Variants in EXT2 observed in about 807,000 individuals in gnomAD.
EXT2 encodes exostosin glycosyltransferase 2.
Under a neutral mutation model 81.6 loss-of-function variants are expected in EXT2, and 53 were observed. That is an observed-to-expected ratio of 0.65 (90% CI 0.52 to 0.82). The LOEUF is 0.82. Among genes scored for constraint, EXT2 ranks in the 40% least tolerant of loss-of-function variants. The pLI is 0.00. For synonymous variants in EXT2, 320 were observed against 340.0 expected (o/e 0.94, Z 0.65); for missense variants, 774 against 910.2 (o/e 0.85, Z 1.93).
chr11:44,196,819 G>T (rs996769523), intron 8 of EXT2, among the ~76,000 whole-genome samples: 2 of 152,104 alleles, frequency 1.3e-5, no homozygotes, highest in East Asian at 1.9e-4. Context: ...TTACTTCTAA[G>T]TTCCTTTTTT....
intron 8 of EXT2, among the ~76,000 whole-genome samples, chr11:44,192,181 C>T (rs924304882): frequency 2.6e-5 from 4 of 152,158 alleles, no homozygotes; most frequent in African/African-American, 9.7e-5. Context: ...AATCTTTGCA[C>T]ATGCCGCTCA....
chr11:44,158,497 G>T (rs1264303041), intron 7 of EXT2, among the ~76,000 whole-genome samples: 1 of 151,644 alleles, frequency 6.6e-6, no homozygotes, highest in Non-Finnish European at 1.5e-5. Flanking sequence ...CTCAAAGAAA[G>T]ATTCCTTCCA....
chr11:44,166,700 AC>A (rs1241931580), intron 7 of EXT2, among the ~76,000 whole-genome samples: 1 of 152,226 alleles, frequency 6.6e-6, no homozygotes, highest in African/African-American at 2.4e-5. Context: ...GGGTTACTTT[AC>A]AATTTCCCCA....
chr11:44,234,960 C>A (rs1428177943), intron 12 of EXT2, among the ~76,000 whole-genome samples: 2 of 152,142 alleles, frequency 1.3e-5, no homozygotes, highest in Non-Finnish European at 2.9e-5. Context: ...CCTAGAAAGC[C>A]AAATTCCTAG....
chr11:44,209,405 A>G (rs1010793133), intron 10 of EXT2, among the ~76,000 whole-genome samples: 3 of 152,130 alleles, frequency 2.0e-5, no homozygotes, highest in Non-Finnish European at 4.4e-5. Context: ...TCATTATTCC[A>G]TTCATGATTC....
intron 7 of EXT2, among the ~76,000 whole-genome samples, chr11:44,130,452 T>C (rs1035094757): frequency 2.6e-5 from 4 of 152,236 alleles, no homozygotes; most frequent in African/African-American, 9.6e-5. Flanking sequence ...AAGACAGCCA[T>C]GGAAGCTGGA....
At chr11:44,210,330 A>G (rs1210522270) in intron 10 of EXT2, among the ~76,000 whole-genome samples, 2 of 152,256 alleles carry the variant, frequency 1.3e-5, no homozygotes, top group Non-Finnish European at 2.9e-5. Flanking sequence ...AGAAGTAACT[A>G]TTGATACATG....
chr11:44,242,161 A>G (rs921007647), intron 13 of EXT2, among the ~76,000 whole-genome samples: 4 of 152,182 alleles, frequency 2.6e-5, no homozygotes, highest in Non-Finnish European at 5.9e-5. Context: ...ACTTGCTAGT[A>G]CCTATGCTGG....
chr11:44,201,803 A>AT (rs576009258), intron 9 of EXT2, among the ~76,000 whole-genome samples: 45 of 152,114 alleles, frequency 3.0e-4, no homozygotes, highest in Non-Finnish European at 5.7e-4. Flanking sequence ...TCCAGTCCTA[A>AT]TTTTTTTAAA....
chr11:44,129,800 G>T (rs1219088565), intron 6 of EXT2, among the ~76,000 whole-genome samples: 1 of 152,160 alleles, frequency 6.6e-6, no homozygotes, highest in East Asian at 1.9e-4. Context: ...TAGTGGAGTG[G>T]AGGCAGGGTG....
In EXT2 at chr11:44,111,354, CCT is replaced by C. The variant is rs550171094; in HGVS notation, c.626+2074_626+2075del. Among the ~76,000 whole-genome samples, 43 of 152,262 alleles carry C rather than the reference CCT, an allele frequency of 2.8e-4. No individual in the cohort carries two copies. The East Asian group carries it at 6.9e-3, about 25-fold the overall frequency. On this transcript the variant is annotated intron_variant, in intron 3 of 13. Coordinates refer to ENST00000533608, the MANE Select transcript of EXT2 (RefSeq NM_207122.2). The stretch of plus-strand genomic sequence containing the variant: ...ACGTAAAAACCTGCTTTGATTCCCT[CCT>C]CTGTTTTCACTCCCTTCCTGAAAGA...
intron 8 of EXT2, among the ~76,000 whole-genome samples, chr11:44,193,616 A>G (rs995612034): frequency 6.6e-6 from 1 of 152,202 alleles, no homozygotes; most frequent in Non-Finnish European, 1.5e-5. Context: ...TTTTGAAGCC[A>G]TTTGCATTAA....
chr11:44,184,481 G>A (rs960251807), intron 8 of EXT2, among the ~76,000 whole-genome samples: 8 of 152,300 alleles, frequency 5.3e-5, no homozygotes, highest in Middle Eastern at 3.4e-3. Context: ...GCCGGGCGCG[G>A]TGGCTCACGC....
chr11:44,235,079 A>C (rs765363490), intron 12 of EXT2, among the ~76,000 whole-genome samples: 52 of 152,252 alleles, frequency 3.4e-4, no homozygotes, highest in Non-Finnish European at 7.2e-4. Context: ...AGGAAAAATC[A>C]CTATCTGTGC....
At chr11:44,097,227 A>C (rs970950053) in intron 1 of EXT2, among the ~76,000 whole-genome samples, 1 of 152,248 alleles carries the variant, frequency 6.6e-6, no homozygotes, top group Non-Finnish European at 1.5e-5. Flanking sequence ...AGTGCTTAGT[A>C]AGATTTACAT....
At chr11:44,229,631 G>GA (rs1364173957) in intron 10 of EXT2, among the ~76,000 whole-genome samples, 1 of 152,184 alleles carries the variant, frequency 6.6e-6, no homozygotes, top group African/African-American at 2.4e-5. Flanking sequence ...CCTGCTTCTG[G>GA]AAAAACAAGT....
intron 1 of EXT2, among the ~76,000 whole-genome samples, chr11:44,098,371 G>A (rs1266352337): frequency 6.6e-6 from 1 of 152,068 alleles, no homozygotes; most frequent in Non-Finnish European, 1.5e-5. Context: ...TTTTACAAAA[G>A]GGGTCCAGTA....
intron 3 of EXT2, 44 bp downstream of exon 3, chr11:44,109,327 C>A (rs1396045214): frequency 2.0e-6 from 3 of 1,477,638 alleles, no homozygotes; most frequent in Non-Finnish European, 2.8e-6. Flanking sequence ...GGTTCAAGAT[C>A]ATTTTGTTCA....
intron 7 of EXT2, among the ~76,000 whole-genome samples, chr11:44,164,899 G>C (rs1308112775): frequency 2.2e-5 from 3 of 134,414 alleles, no homozygotes; most frequent in Non-Finnish European, 4.7e-5. Flanking sequence ...TTTTTTTTGA[G>C]ACGGAGTCTC....
Sources: allele counts gnomAD v4.1 joint callset (sites outside exome capture counted in the v4.1 genomes callset), GRCh38; gene constraint gnomAD v4.1.1; transcripts MANE v1.5; gene names NCBI Gene and HGNC (gene_info 2026-07-23, HGNC 2026-07-21).